Variants in SIPA1L2 observed in about 807,000 individuals in gnomAD.
SIPA1L2 encodes signal-induced proliferation-associated 1-like protein 2.
SIPA1L2 carries 56 observed loss-of-function variants against 163.9 expected under a neutral mutation model. The ratio of observed to expected loss-of-function variants is 0.34; its 90% CI spans 0.28 to 0.43. The LOEUF (loss-of-function observed/expected upper bound fraction) is 0.43. Ranked by LOEUF, SIPA1L2 falls within the 20% of genes least tolerant of loss-of-function variation. SIPA1L2 has a pLI of 1.00. For missense variants in SIPA1L2, 1,974 were observed against 2,193.5 expected (o/e 0.90, Z 2.00); for synonymous variants, 877 against 865.7 (o/e 1.01, Z -0.23).
intron 6 of SIPA1L2, among the ~76,000 whole-genome samples, chr1:232,482,665 A>C (rs1366283547): frequency 6.6e-6 from 1 of 152,160 alleles, no homozygotes; most frequent in Non-Finnish European, 1.5e-5. Flanking sequence ...TGCTACTTTC[A>C]AAAACAGGTC....
rs1016772702 is a variant in SIPA1L2 at position 232,465,839 on chromosome 1, A to C, written c.2244-423T>G. Among the ~76,000 whole-genome samples, 2 of 151,662 alleles carry C rather than the reference A, an allele frequency of 1.3e-5. No homozygotes were observed. The highest frequency in any genetic ancestry group is 6.6e-5 in the Admixed American group (1 of 15,222). On this transcript the variant is annotated intron_variant, in intron 8 of 22. Coordinates refer to ENST00000674635, the MANE Select transcript of SIPA1L2 (RefSeq NM_020808.5). This position sits in a 1 kb window ranked among gnomAD's most constrained non-coding sequence, Gnocchi z 4.1. ...GACTGGTGTCCTTATAAGAGGAGAA[A>C]ATTTGGGCTTACAAAGAGACACCAG...
chr1:232,543,475 CCTTT>C (rs3059663), intron 2 of SIPA1L2, among the ~76,000 whole-genome samples: 140,168 of 151,916 alleles, frequency 0.92, 65,215 homozygotes, highest in African/African-American at 0.99. Flanking sequence ...GATGTGAAGA[CCTTT>C]CTTTATAGGA....
intron 12 of SIPA1L2, among the ~76,000 whole-genome samples, chr1:232,443,091 C>G (rs1051661319): frequency 6.6e-6 from 1 of 152,184 alleles, no homozygotes; most frequent in East Asian, 1.9e-4. Context: ...TCCCTCTTCT[C>G]TTCCCAGAGG....
intron 9 of SIPA1L2, among the ~76,000 whole-genome samples, chr1:232,462,786 T>G (rs1156298017): frequency 6.6e-6 from 1 of 152,228 alleles, no homozygotes; most frequent in South Asian, 2.1e-4. Flanking sequence ...TTATCATCCA[T>G]GTATCAGGCT....
intron 4 of SIPA1L2, among the ~76,000 whole-genome samples, chr1:232,492,086 T>C (rs1209588648): frequency 6.6e-6 from 1 of 152,226 alleles, no homozygotes; most frequent in African/African-American, 2.4e-5. Flanking sequence ...ACTTAAAATA[T>C]GTCACTTTAG....
intron 18 of SIPA1L2, among the ~76,000 whole-genome samples, chr1:232,420,547 A>G (rs906925208): frequency 6.6e-6 from 1 of 151,996 alleles, no homozygotes; most frequent in Non-Finnish European, 1.5e-5. Flanking sequence ...AATTAAGACA[A>G]GACTGTGGCT....
chr1:232,415,862 G>GC (rs1661222048), intron 18 of SIPA1L2: 1 of 330,332 alleles, frequency 3.0e-6, no homozygotes, highest in Non-Finnish European at 4.9e-6. Flanking sequence ...GGGCACCACT[G>GC]TCCCTCCCAG....
chr1:232,617,246 C>T (rs781115897), intron 1 of SIPA1L2, among the ~76,000 whole-genome samples: 4 of 152,184 alleles, frequency 2.6e-5, no homozygotes, highest in African/African-American at 4.8e-5. Context: ...GAGCCAGGCC[C>T]GCAGCAAGTG....
At chr1:232,430,813 AGG>A (rs1424129537) in intron 16 of SIPA1L2, among the ~76,000 whole-genome samples, 1 of 152,166 alleles carries the variant, frequency 6.6e-6, no homozygotes, top group African/African-American at 2.4e-5. Flanking sequence ...CTCCCCTCCC[AGG>A]TATACCCAAG....
At chr1:232,609,091 C>T (rs1235799167) in intron 1 of SIPA1L2, among the ~76,000 whole-genome samples, 3 of 152,064 alleles carry the variant, frequency 2.0e-5, no homozygotes, top group Admixed American at 6.5e-5. Flanking sequence ...TCACCCACAT[C>T]GAACTAGCCA....
chr1:232,413,968 GT>G (rs1661100553), intron 19 of SIPA1L2, among the ~76,000 whole-genome samples: 1 of 152,170 alleles, frequency 6.6e-6, no homozygotes, highest in African/African-American at 2.4e-5. Context: ...CAGCGTCCCT[GT>G]GCTCTGGTGC....
chr1:232,451,883 A>G (rs1663602478), intron 10 of SIPA1L2, among the ~76,000 whole-genome samples: 1 of 150,066 alleles, frequency 6.7e-6, no homozygotes, highest in Admixed American at 6.8e-5. Flanking sequence ...CAGGTTAAAA[A>G]TAAGTGCAAT....
intron 7 of SIPA1L2, among the ~76,000 whole-genome samples, chr1:232,472,261 T>C (rs1039584906): frequency 2.6e-5 from 4 of 152,184 alleles, no homozygotes; most frequent in Non-Finnish European, 5.9e-5. Context: ...GTAGATCCCA[T>C]TTCATCTGAA....
At chr1:232,461,628 C>A (rs1375645375) in intron 9 of SIPA1L2, among the ~76,000 whole-genome samples, 1 of 152,136 alleles carries the variant, frequency 6.6e-6, no homozygotes, top group African/African-American at 2.4e-5. Flanking sequence ...CAAGTTTCAA[C>A]CAGCAAGCAC....
At chr1:232,586,280 T>C (rs1558286996) in intron 1 of SIPA1L2, among the ~76,000 whole-genome samples, 3 of 152,164 alleles carry the variant, frequency 2.0e-5, no homozygotes, top group East Asian at 1.9e-4. Context: ...CATTCATAAA[T>C]TGAATGTCTA....
chr1:232,567,441 T>C (rs996427882), intron 2 of SIPA1L2, among the ~76,000 whole-genome samples: 3 of 152,144 alleles, frequency 2.0e-5, no homozygotes, highest in African/African-American at 7.2e-5. Flanking sequence ...AGATATATAA[T>C]AAATTATTGT....
chr1:232,433,307 A>C (rs1222189915), intron 15 of SIPA1L2, among the ~76,000 whole-genome samples: 1 of 152,260 alleles, frequency 6.6e-6, no homozygotes, highest in Non-Finnish European at 1.5e-5. Context: ...ATCATGAGCC[A>C]GTTGCTTAAT....
rs1663306007 is a variant in SIPA1L2 at position 232,630,048 on chromosome 1, C to A, written c.-498G>T. Among the ~76,000 whole-genome samples, 1 of 150,092 alleles carries A rather than the reference C, an allele frequency of 6.7e-6. No homozygotes were observed. Among genetic ancestry groups the A allele is most frequent in the African/African-American group, 2.4e-5 (1 of 41,176 alleles). On this transcript the variant is annotated 5_prime_UTR_variant, in exon 1 of 23. Coordinates refer to ENST00000674635, the MANE Select transcript of SIPA1L2 (RefSeq NM_020808.5). ...GGCTGCGGCTGGAGCTCTCGGCCTG[C>A]GCTCGGGCGGCCGGCGGGGGCGCGG... is the stretch of plus-strand genomic sequence containing the variant.
intron 2 of SIPA1L2, among the ~76,000 whole-genome samples, chr1:232,567,442 A>G (rs1659470771): frequency 6.6e-6 from 1 of 152,214 alleles, no homozygotes; most frequent in African/African-American, 2.4e-5. Context: ...GATATATAAT[A>G]AATTATTGTC....
Sources: allele counts gnomAD v4.1 joint callset (sites outside exome capture counted in the v4.1 genomes callset), GRCh38; gene constraint gnomAD v4.1.1; non-coding constraint Gnocchi (gnomAD v3.1); transcripts MANE v1.5; gene names NCBI Gene and HGNC (gene_info 2026-07-23, HGNC 2026-07-21).